Variants in ALK observed in about 807,000 individuals in gnomAD.
The protein encoded by ALK is ALK tyrosine kinase receptor.
ALK carries 74 observed loss-of-function variants against 163.1 expected under a neutral mutation model. The observed-to-expected ratio is 0.45, with a 90% CI of 0.38 to 0.55. The LOEUF is 0.55. ALK is among the 20% of genes least tolerant of loss of function. The pLI, the probability that ALK is intolerant of heterozygous loss-of-function variation, is 0.00. For missense variants in ALK, 2,063 were observed against 2,105.3 expected (o/e 0.98, Z 0.39); for synonymous variants, 960 against 843.2 (o/e 1.14, Z -2.40).
intron 4 of ALK, among the ~76,000 whole-genome samples, chr2:29,409,238 T>C (rs146911931): frequency 6.6e-6 from 1 of 152,336 alleles, no homozygotes; most frequent in African/African-American, 2.4e-5. Flanking sequence ...TAGCCTCTAG[T>C]AAGGGAAGAG....
intron 4 of ALK, among the ~76,000 whole-genome samples, chr2:29,390,129 T>A (rs1292051130): frequency 6.6e-6 from 1 of 152,204 alleles, no homozygotes; most frequent in African/African-American, 2.4e-5. Flanking sequence ...ACCATTTTAT[T>A]CTGCCATTTA....
intron 23 of ALK, 38 bp from the exon 24 acceptor site, chr2:29,214,119 T>TC: frequency 1.3e-6 from 2 of 1,554,072 alleles, no homozygotes; most frequent in Non-Finnish European, 1.8e-6. Flanking sequence ...ACGAGGAGCT[T>TC]GTCAGTGAGA....
At chr2:29,490,473 G>A (rs1671874780) in intron 4 of ALK, among the ~76,000 whole-genome samples, 3 of 152,208 alleles carry the variant, frequency 2.0e-5, no homozygotes, top group Non-Finnish European at 4.4e-5. Context: ...ATCATCTGGG[G>A]ACTTGTTAGA....
intron 9 of ALK, 61 bp from the exon 10 acceptor site, chr2:29,275,557 A>G: frequency 6.4e-7 from 1 of 1,552,152 alleles, no homozygotes; most frequent in Middle Eastern, 1.7e-4. Context: ...CTTAGGATTC[A>G]GCATCCAGCA....
At chr2:29,655,087 G>A (rs1421878488) in intron 3 of ALK, among the ~76,000 whole-genome samples, 1 of 152,088 alleles carries the variant, frequency 6.6e-6, no homozygotes, top group East Asian at 1.9e-4. Flanking sequence ...ATAAATCAGA[G>A]AAATGTCCAA....
intron 8 of ALK, among the ~76,000 whole-genome samples, chr2:29,299,142 C>T (rs1440660427): frequency 6.6e-6 from 1 of 152,186 alleles, no homozygotes. Flanking sequence ...ATTACTCTAG[C>T]AAAATAGAGT....
intron 1 of ALK, among the ~76,000 whole-genome samples, chr2:29,904,906 G>A (rs1364053392): frequency 6.6e-6 from 1 of 152,136 alleles, no homozygotes; most frequent in Non-Finnish European, 1.5e-5. Context: ...ACTCTGTCTG[G>A]GGGATTACAC....
chr2:29,222,265 T>C (rs2148168258), intron 22 of ALK, 79 bp downstream of exon 22: 1 of 1,282,916 alleles, frequency 7.8e-7, no homozygotes, highest in Non-Finnish European at 1.1e-6. Context: ...CCCTTGGAGA[T>C]ATCGATCTGT....
intron 4 of ALK, among the ~76,000 whole-genome samples, chr2:29,384,182 T>C (rs1303968192): frequency 6.6e-6 from 1 of 152,170 alleles, no homozygotes; most frequent in Non-Finnish European, 1.5e-5. Flanking sequence ...AAAGAATATA[T>C]ATAGTTGAGA....
At chr2:29,751,305 TA>T (rs573128254) in intron 1 of ALK, among the ~76,000 whole-genome samples, 25 of 152,160 alleles carry the variant, frequency 1.6e-4, no homozygotes, top group Non-Finnish European at 2.1e-4. Flanking sequence ...AAATTTATTT[TA>T]AAAAAATTAA....
chr2:29,382,018 A>C (rs780008845), intron 5 of ALK, among the ~76,000 whole-genome samples: 3 of 152,160 alleles, frequency 2.0e-5, no homozygotes, highest in Admixed American at 6.5e-5. Context: ...AGGCGGTCTG[A>C]CCCAGAGAAG....
intron 1 of ALK, among the ~76,000 whole-genome samples, chr2:29,759,614 G>A (rs1481940107): frequency 6.6e-6 from 1 of 152,100 alleles, no homozygotes; most frequent in African/African-American, 2.4e-5. Context: ...AACACTCTTT[G>A]GCCTTTGAAT....
At chr2:29,240,152 CAG>C (rs3054022) in intron 12 of ALK, among the ~76,000 whole-genome samples, 7,301 of 143,180 alleles carry the variant, frequency 0.051, 213 homozygotes, top group East Asian at 0.1. Context: ...AGGGAAACAG[CAG>C]AGAGAGAGAG....
intron 7 of ALK, among the ~76,000 whole-genome samples, chr2:29,319,608 C>T (rs1033811137): frequency 3.9e-5 from 6 of 152,150 alleles, no homozygotes; most frequent in Admixed American, 1.3e-4. Context: ...AGCTTGCCTC[C>T]AGGTAAGGAA....
chr2:29,323,941 G>C (rs1444014637), intron 6 of ALK, among the ~76,000 whole-genome samples: 1 of 152,224 alleles, frequency 6.6e-6, no homozygotes, highest in East Asian at 1.9e-4. Context: ...ATGTGGTCCA[G>C]GGACCAGCTG....
intron 3 of ALK, among the ~76,000 whole-genome samples, chr2:29,611,085 T>G (rs527590606): frequency 5.9e-5 from 9 of 152,112 alleles, no homozygotes; most frequent in African/African-American, 2.2e-4. Context: ...GGGACAGGCA[T>G]GGGAATGTTG....
At chr2:29,626,799 T>C (rs1242734868) in intron 3 of ALK, among the ~76,000 whole-genome samples, 1 of 152,172 alleles carries the variant, frequency 6.6e-6, no homozygotes. Flanking sequence ...TACCAACCTA[T>C]GGTATTTTGT....
At chr2:29,407,645 G>A (rs1323608123) in intron 4 of ALK, among the ~76,000 whole-genome samples, 1 of 152,220 alleles carries the variant, frequency 6.6e-6, no homozygotes, top group East Asian at 1.9e-4. Context: ...TGCAAAGTAA[G>A]GGAGTAGGTC....
intron 3 of ALK, among the ~76,000 whole-genome samples, chr2:29,627,990 T>C (rs2148234614): frequency 6.6e-6 from 1 of 152,310 alleles, no homozygotes; most frequent in Non-Finnish European, 1.5e-5. Context: ...TTAATTCTCT[T>C]TCAGCATCCA....
Sources: gnomAD v4.1 joint callset for allele counts (sites outside exome capture counted in the v4.1 genomes callset) on GRCh38, gnomAD v4.1.1 for gene constraint, MANE v1.5 for transcripts, NCBI Gene and HGNC (gene_info 2026-07-23, HGNC 2026-07-21) for gene names.